The following RALA variants were observed in gnomAD, a reference collection of about 807,000 sequenced individuals.
RALA encodes RAS like proto-oncogene A.
A neutral mutation model predicts 24.0 loss-of-function variants in RALA; 5 were observed. The observed-to-expected ratio is 0.21, with a 90% CI of 0.11 to 0.44. The LOEUF is 0.44. RALA is among the 20% of genes least tolerant of loss of function. The probability of loss-of-function intolerance (pLI) is 0.99; values close to 1 mark genes in which losing one functional copy is unlikely to be tolerated. For synonymous variants in RALA, 77 were observed against 83.8 expected, an observed-to-expected ratio of 0.92 and a Z score of 0.44; for missense variants, 95 against 241.2, an observed-to-expected ratio of 0.39 and a Z score of 4.01.
At chr7:39,683,377 A>G (rs981501499) in intron 1 of RALA, among the ~76,000 whole-genome samples, 3 of 152,148 alleles carry the variant, frequency 2.0e-5, no homozygotes, top group Admixed American at 1.3e-4. Context: ...CAAAACATTC[A>G]GGTCTCAGCT....
In RALA at chr7:39,690,447, G is replaced by A; in HGVS notation, c.180G>A (p.Glu60=). 6.2e-7 allele frequency: 1 copy of A among 1,614,072 alleles called. No individual in the cohort carries two copies. Among genetic ancestry groups the A allele is most frequent in the Non-Finnish European group, 8.5e-7 (1 of 1,179,954 alleles). The change falls in exon 3 of 5, where the codon GAG becomes GAA. Residue 60 remains glutamate, a synonymous_variant. Transcript: ENST00000005257. ...SYRKKVVLDG[E]EVQIDILDTA... is the part of the protein sequence containing the mutation. ...GGAAGAAGGTAGTGCTAGATGGGGA[G>A]GAAGTCCAGATCGATATCTTAGATA...
intron 3 of RALA, among the ~76,000 whole-genome samples, chr7:39,695,914 A>T (rs1792911482): frequency 6.6e-6 from 1 of 152,352 alleles, no homozygotes; most frequent in Non-Finnish European, 1.5e-5. Context: ...CAGTAGATTA[A>T]TAATGAGCTA....
intron 1 of RALA, among the ~76,000 whole-genome samples, chr7:39,684,775 G>C (rs1454705832): frequency 2.0e-5 from 3 of 151,598 alleles, no homozygotes; most frequent in African/African-American, 7.3e-5. Context: ...ACAAATTTGT[G>C]TTGGGCATTC....
intron 1 of RALA, among the ~76,000 whole-genome samples, chr7:39,668,191 T>A (rs1314530320): frequency 1.3e-5 from 2 of 152,228 alleles, no homozygotes; most frequent in Non-Finnish European, 2.9e-5. Context: ...GCAGGTTTTT[T>A]AAAAGAATAC....
chr7:39,654,654 A>G (rs774906582), intron 1 of RALA, among the ~76,000 whole-genome samples: 2 of 152,194 alleles, frequency 1.3e-5, no homozygotes, highest in African/African-American at 2.4e-5. Flanking sequence ...GCTTTCTTCT[A>G]GAACTTTTGT....
At chr7:39,688,579 A>AT (rs34265657) in intron 2 of RALA, among the ~76,000 whole-genome samples, 75,135 of 142,670 alleles carry the variant, frequency 0.53, 21,867 homozygotes, top group African/African-American at 0.8. Context: ...CACATGCCTA[A>AT]TTTTTTTTTT....
At chr7:39,629,982 G>C (rs767140232) in intron 1 of RALA, among the ~76,000 whole-genome samples, 4 of 152,120 alleles carry the variant, frequency 2.6e-5, no homozygotes. Flanking sequence ...GTCCACCTCA[G>C]CCTCCCCAAG....
At chr7:39,629,564 G>A (rs961188406) in intron 1 of RALA, among the ~76,000 whole-genome samples, 15 of 151,798 alleles carry the variant, frequency 9.9e-5, no homozygotes, top group South Asian at 2.1e-4. Context: ...ACAGGTGCAC[G>A]CCACCACGCC....
At chr7:39,696,924 A>C (rs1262781778) in intron 4 of RALA, 65 bp downstream of exon 4, 4 of 1,441,176 alleles carry the variant, frequency 2.8e-6, no homozygotes, top group Non-Finnish European at 3.8e-6. Context: ...ACTTGGCTCC[A>C]TTTTGTCTGG....
chr7:39,641,482 C>G (rs1481101080), intron 1 of RALA, among the ~76,000 whole-genome samples: 2 of 152,116 alleles, frequency 1.3e-5, no homozygotes, highest in African/African-American at 4.8e-5. Context: ...CATGGACGTT[C>G]TTTTATGTAG....
chr7:39,641,454 G>T (rs1215451143), intron 1 of RALA, among the ~76,000 whole-genome samples: 2 of 152,088 alleles, frequency 1.3e-5, no homozygotes, highest in Non-Finnish European at 2.9e-5. Context: ...GATAATTGTG[G>T]CTGACCTCCC....
intron 1 of RALA, among the ~76,000 whole-genome samples, chr7:39,632,262 A>G (rs180865770): frequency 1.1e-4 from 16 of 152,244 alleles, no homozygotes; most frequent in East Asian, 9.6e-4. Flanking sequence ...CAGATATACT[A>G]TTGTGTCATC....
intron 1 of RALA, among the ~76,000 whole-genome samples, chr7:39,659,716 G>T (rs563280164): frequency 2.6e-5 from 4 of 152,272 alleles, no homozygotes; most frequent in Admixed American, 1.3e-4. Context: ...AAAAATATGA[G>T]CAAAAGTTGT....
chr7:39,638,711 G>A (rs1320480328), intron 1 of RALA, among the ~76,000 whole-genome samples: 2 of 152,234 alleles, frequency 1.3e-5, no homozygotes. Flanking sequence ...CTCCCAGAAT[G>A]CTGGGATAAT....
Position 39,665,832 on chromosome 7 carries a change from A to G in RALA, c.-37-20799A>G, listed in dbSNP as rs541021209. On this transcript the variant is annotated intron_variant, in intron 1 of 4. Transcript: ENST00000005257. The stretch of plus-strand genomic sequence containing the variant: ...TAGTGGTGATAAAGTTTAGTTGGCA[A>G]ACACTTAGGATGTGAATTTTTTTTT... Among the ~76,000 whole-genome samples, 58 of 152,238 alleles carry G rather than the reference A, an allele frequency of 3.8e-4. No homozygotes were observed. The South Asian group carries it at 6.0e-3, about 16-fold the overall frequency.
At chr7:39,663,665 A>C (rs976822349) in intron 1 of RALA, among the ~76,000 whole-genome samples, 1 of 152,124 alleles carries the variant, frequency 6.6e-6, no homozygotes, top group Non-Finnish European at 1.5e-5. Flanking sequence ...TGAAGCCTTC[A>C]CTGCAGCTAC....
At chr7:39,670,116 A>C (rs905218059) in intron 1 of RALA, among the ~76,000 whole-genome samples, 1 of 152,228 alleles carries the variant, frequency 6.6e-6, no homozygotes, top group African/African-American at 2.4e-5. Context: ...ATACTTTTAA[A>C]GATTAGATCT....
intron 1 of RALA, among the ~76,000 whole-genome samples, chr7:39,627,421 T>C (rs906185097): frequency 6.6e-6 from 1 of 152,196 alleles, no homozygotes; most frequent in African/African-American, 2.4e-5. Context: ...GGTCCTATAT[T>C]AGATGCAATA....
chr7:39,679,890 T>C (rs1460565306), intron 1 of RALA, among the ~76,000 whole-genome samples: 1 of 152,090 alleles, frequency 6.6e-6, no homozygotes, highest in Non-Finnish European at 1.5e-5. Context: ...TTTATATTTT[T>C]AGTAGATATG....
Sources: allele counts gnomAD v4.1 joint callset (sites outside exome capture counted in the v4.1 genomes callset), GRCh38; gene constraint gnomAD v4.1.1; transcripts MANE v1.5; gene names NCBI Gene and HGNC (gene_info 2026-07-23, HGNC 2026-07-21).